Variants in ZNF578 observed in about 807,000 individuals in gnomAD.
ZNF578 encodes the protein zinc finger protein 578.
A neutral mutation model predicts 8.3 loss-of-function variants in ZNF578; 8 were observed. That is an observed-to-expected ratio of 0.96 (90% CI 0.56 to 1.74). The LOEUF (loss-of-function observed/expected upper bound fraction) is 1.74, where lower values mean the gene tolerates loss of function less well. ZNF578 is among the 40% of genes most tolerant of loss of function. ZNF578 has a pLI of 0.00. For synonymous variants in ZNF578, 206 were observed against 232.2 expected (o/e 0.89, Z 1.03); for missense variants, 726 against 707.5 (o/e 1.03, Z -0.30).
intron 2 of ZNF578, among the ~76,000 whole-genome samples, chr19:52,480,895 C>G (rs957040550): frequency 1.6e-5 from 2 of 123,268 alleles, no homozygotes; most frequent in African/African-American, 6.0e-5. Context: ...GACTCCATCT[C>G]AAAAGATAAT....
In ZNF578 at chr19:52,512,381, C is replaced by T; in HGVS notation, c.*227C>T. 5 of 1,494,794 alleles carry T rather than the reference C, an allele frequency of 3.3e-6. No individual in the cohort carries two copies. Among genetic ancestry groups the T allele is most frequent in the Non-Finnish European group, 4.7e-6 (5 of 1,073,510 alleles). The allele number at this position is 1,494,794 out of a possible 1,614,324, so 92.6% of individuals were successfully genotyped here. ...TGTCACAAAGTCTTCAGTAACGCTA[C>T]AACGATTGCAAATCATTGGAGAATC... On this transcript the variant is annotated 3_prime_UTR_variant, in exon 6 of 6. Coordinates refer to ENST00000421239, the MANE Select transcript of ZNF578 (RefSeq NM_001099694.2).
rs1259089279 is a variant in ZNF578, at chr19:52,512,347, T to C, written c.*193T>C. On this transcript the variant is annotated 3_prime_UTR_variant, in exon 6 of 6. Transcript: ENST00000421239. ...TCATGGTGTAGGGAAACTTGACTAA[T>C]GTAATGATTGTCACAAAGTCTTCAG... The C allele has an allele frequency of 6.6e-7, 1 of 1,520,430 alleles. No homozygotes were observed. Among genetic ancestry groups the C allele is most frequent in the Non-Finnish European group, 9.1e-7 (1 of 1,095,934 alleles). The allele number at this position is 1,520,430 out of a possible 1,614,324, so 94.2% of individuals were successfully genotyped here.
intron 3 of ZNF578, among the ~76,000 whole-genome samples, chr19:52,494,265 T>C (rs754282153): frequency 1.1e-4 from 17 of 151,954 alleles, no homozygotes; most frequent in Non-Finnish European, 2.4e-4. Context: ...GGCAGAGGGA[T>C]TGCTTGAGTC....
rs764875567 is a variant in ZNF578 at position 52,511,037 on chromosome 19, C to T, written c.656C>T (p.Thr219Ile). ...AATTTTTTCCATTCATCATTACTCA[C>T]ACAAAAACAGGAAGTACACATGAGA... Reference protein sequence around the residue: ...GNNFFHSSLLTQKQEVHMREK... With the variant: ...GNNFFHSSLLIQKQEVHMREK... The change falls in exon 6 of 6, where the codon ACA becomes ATA. Residue 219 changes from threonine to isoleucine, a missense_variant. Coordinates refer to ENST00000421239, the MANE Select transcript of ZNF578 (RefSeq NM_001099694.2). The T allele has an allele frequency of 1.5e-5, 25 of 1,614,158 alleles. No homozygotes were observed. The highest frequency in any genetic ancestry group is 1.9e-5 in the Non-Finnish European group (23 of 1,180,034).
In ZNF578 at chr19:52,515,386, AGT is replaced by A. The variant is rs1491389916; in HGVS notation, c.*3233_*3234del. Reference sequence around the variant, plus strand: ...TCTGCATTTTATAAATGTTCCTGTGAGTTTTTTGTAAGGAAGAATTAACTGTC... The same window carrying A: ...TCTGCATTTTATAAATGTTCCTGTGATTTTTGTAAGGAAGAATTAACTGTC... On this transcript the variant is annotated 3_prime_UTR_variant, in exon 6 of 6. Transcript: ENST00000421239. Among the ~76,000 whole-genome samples, 4 of 152,146 alleles carry A rather than the reference AGT, an allele frequency of 2.6e-5. No homozygotes were observed. The highest frequency in any genetic ancestry group is 9.7e-5 in the African/African-American group (4 of 41,426).
intron 5 of ZNF578, 92 bp from the exon 6 acceptor site, chr19:52,510,480 A>G (rs2059440488): frequency 1.4e-6 from 2 of 1,385,142 alleles, no homozygotes; most frequent in East Asian, 5.0e-5. Context: ...GAAGTTTAAA[A>G]TAAGTATTTT....
At chr19:52,478,933 C>T (rs1447550718) in intron 2 of ZNF578, among the ~76,000 whole-genome samples, 2 of 151,594 alleles carry the variant, frequency 1.3e-5, no homozygotes, top group Non-Finnish European at 2.9e-5. Flanking sequence ...AGGCTGGTCT[C>T]GAACTCCCGA....
At chr19:52,471,403 A>G (rs970514866) in intron 2 of ZNF578, among the ~76,000 whole-genome samples, 5 of 152,316 alleles carry the variant, frequency 3.3e-5, no homozygotes, top group East Asian at 3.9e-4. Context: ...TCCCTTTTAT[A>G]TATACACAGA....
chr19:52,461,258 G>A (rs1204767019), intron 2 of ZNF578, among the ~76,000 whole-genome samples: 4 of 152,114 alleles, frequency 2.6e-5, no homozygotes, highest in South Asian at 2.1e-4. Context: ...GGGGATTTAC[G>A]CAGAAATCAG....
At chr19:52,503,826 T>A (rs577136720) in intron 4 of ZNF578, among the ~76,000 whole-genome samples, 2 of 128,904 alleles carry the variant, frequency 1.6e-5, no homozygotes, top group South Asian at 5.0e-4. Context: ...TGAGATGGAG[T>A]CTTGCTCTGT....
At position 52,504,833 on chromosome 19, in the gene ZNF578, C is replaced by T; in HGVS notation, c.190+52C>T. ...AGGAGTCTGCTCTTGTCTGTCTTGG[C>T]TCTTCCTGGTTTTGTATTCTCTTTT... On this transcript the variant is annotated intron_variant, in intron 5 of 5. Transcript: ENST00000421239. 4 of 1,602,134 alleles carry T rather than the reference C, an allele frequency of 2.5e-6. No individual in the cohort carries two copies. The South Asian group carries it at 3.4e-5, about 14-fold the overall frequency.
At chr19:52,471,589 C>T (rs536527644) in intron 2 of ZNF578, among the ~76,000 whole-genome samples, 78 of 152,284 alleles carry the variant, frequency 5.1e-4, no homozygotes, top group African/African-American at 1.5e-3. Flanking sequence ...AACCCCAGCC[C>T]TATCCTTTAA....
Position 52,476,348 on chromosome 19 carries a change from G to A in ZNF578, c.-121-14976G>A, listed in dbSNP as rs117349043. ...TGCTCTTTTACTAGCTGCTGAAGTT[G>A]AGTTTGTTTCTCCTGTGTTAGGGGC... is the stretch of plus-strand genomic sequence containing the variant. On this transcript the variant is annotated intron_variant, in intron 2 of 5. Transcript: ENST00000421239. 9.3e-4 allele frequency among the ~76,000 whole-genome samples: 142 copies of A among 152,282 alleles called. 1 individual carries two copies. The East Asian group carries it at 0.022, about 24-fold the overall frequency.
rs535456742 is a variant in ZNF578 at position 52,468,450 on chromosome 19, A to C, written c.-122+11492A>C. Among the ~76,000 whole-genome samples, 66 of 152,338 alleles carry C rather than the reference A, an allele frequency of 4.3e-4. 2 individuals carry two copies. Among genetic ancestry groups the C allele is most frequent in the African/African-American group, 2.4e-5 (1 of 41,582 alleles). On this transcript the variant is annotated intron_variant, in intron 2 of 5. Transcript: ENST00000421239. The stretch of plus-strand genomic sequence containing the variant: ...AAGAGGAATGTAATAAGCTATTACC[A>C]TGAAGAAAATTGAAGTCTCTCCTAA...
At chr19:52,505,280 C>T (rs2059421762) in intron 5 of ZNF578, among the ~76,000 whole-genome samples, 1 of 152,156 alleles carries the variant, frequency 6.6e-6, no homozygotes, top group South Asian at 2.1e-4. Context: ...CTCTAAGCAG[C>T]AGTCAGTGGT....
intron 2 of ZNF578, among the ~76,000 whole-genome samples, chr19:52,467,922 G>A (rs2059280531): frequency 1.3e-5 from 2 of 152,086 alleles, no homozygotes; most frequent in African/African-American, 4.8e-5. Context: ...TTCTAATATA[G>A]TATAAGTATT....
At chr19:52,485,940 C>T (rs1483625748) in intron 2 of ZNF578, among the ~76,000 whole-genome samples, 2 of 152,134 alleles carry the variant, frequency 1.3e-5, no homozygotes, top group Admixed American at 1.3e-4. Context: ...CGACCATCCC[C>T]CAGCCCGACA....
chr19:52,477,592 T>G lies in ZNF578; in HGVS notation c.-121-13732T>G, dbSNP rs2059312018. Among the ~76,000 whole-genome samples the G allele has an allele frequency of 4.0e-5, 6 of 150,592 alleles. No homozygotes were observed. The South Asian group carries it at 1.2e-3, about 31-fold the overall frequency. On this transcript the variant is annotated intron_variant, in intron 2 of 5. Transcript: ENST00000421239. Reference sequence around the variant, plus strand: ...TCCACAGTTATAACATTTTCCCATTTTAGGGTTTTTTTTTTTTTTCCATTT... The same window carrying G: ...TCCACAGTTATAACATTTTCCCATTGTAGGGTTTTTTTTTTTTTTCCATTT...
intron 3 of ZNF578, among the ~76,000 whole-genome samples, chr19:52,494,683 GGTTA>G (rs2059379423): frequency 6.6e-6 from 1 of 152,108 alleles, no homozygotes; most frequent in African/African-American, 2.4e-5. Flanking sequence ...TGGTATCAGA[GGTTA>G]GCTTCCACTT....
Sources: allele counts gnomAD v4.1 joint callset (sites outside exome capture counted in the v4.1 genomes callset), GRCh38; gene constraint gnomAD v4.1.1; transcripts MANE v1.5; gene names NCBI Gene and HGNC (gene_info 2026-07-23, HGNC 2026-07-21).